The following LDLRAD4 variants were observed in gnomAD, a reference collection of about 807,000 sequenced individuals.
LDLRAD4 encodes low-density lipoprotein receptor class A domain-containing protein 4.
In LDLRAD4, 5 loss-of-function variants were observed where a neutral mutation model predicts 17.0. That is an observed-to-expected ratio of 0.29 (90% CI 0.15 to 0.62). The LOEUF is 0.62. LDLRAD4 is among the 20% of genes least tolerant of loss of function. LDLRAD4 has a pLI of 0.84. For missense variants in LDLRAD4, 340 were observed against 424.7 expected (o/e 0.80, Z 1.75); for synonymous variants, 168 against 171.8 (o/e 0.98, Z 0.17).
chr18:13,642,764 A>C, intron 4 of LDLRAD4: 2 of 1,229,666 alleles, frequency 1.6e-6, no homozygotes, highest in Non-Finnish European at 2.0e-6. Flanking sequence ...ACAGGTGTAG[A>C]GAGTGAGCCA....
At chr18:13,265,344 C>T (rs1257361957) in intron 1 of LDLRAD4, among the ~76,000 whole-genome samples, 1 of 152,186 alleles carries the variant, frequency 6.6e-6, no homozygotes, top group Non-Finnish European at 1.5e-5. Flanking sequence ...CCAAACTTAC[C>T]TGTGTGGCCT....
At chr18:13,306,278 A>T (rs1265760302) in intron 1 of LDLRAD4, among the ~76,000 whole-genome samples, 1 of 152,252 alleles carries the variant, frequency 6.6e-6, no homozygotes, top group Non-Finnish European at 1.5e-5. Context: ...GAAAAAGGTG[A>T]ACACCAGCTG....
chr18:13,556,855 T>C (rs1027096694), intron 3 of LDLRAD4, among the ~76,000 whole-genome samples: 1 of 152,188 alleles, frequency 6.6e-6, no homozygotes, highest in Non-Finnish European at 1.5e-5. Flanking sequence ...GTTTCCTCAC[T>C]GTCAAGTTGC....
intron 2 of LDLRAD4, among the ~76,000 whole-genome samples, chr18:13,432,643 C>T (rs964433579): frequency 1.3e-5 from 2 of 152,138 alleles, no homozygotes; most frequent in Non-Finnish European, 2.9e-5. Flanking sequence ...CAGTTTTCCT[C>T]TCCTCTTTCC....
chr18:13,466,870 C>A (rs1237019452), intron 3 of LDLRAD4, among the ~76,000 whole-genome samples: 2 of 151,992 alleles, frequency 1.3e-5, no homozygotes. Flanking sequence ...TCTCTGGGAT[C>A]TCTTTTATAA....
At chr18:13,556,590 A>ACAAGG (rs1452353640) in intron 3 of LDLRAD4, among the ~76,000 whole-genome samples, 1 of 152,208 alleles carries the variant, frequency 6.6e-6, no homozygotes, top group East Asian at 1.9e-4. Context: ...GCCTTAGAGA[A>ACAAGG]CAAGGAAAGC....
chr18:13,632,171 G>A (rs1410528464), intron 4 of LDLRAD4, among the ~76,000 whole-genome samples: 3 of 152,264 alleles, frequency 2.0e-5, no homozygotes, highest in Admixed American at 2.0e-4. Context: ...GATCCTTAGG[G>A]TGTCACTTCG....
intron 1 of LDLRAD4, among the ~76,000 whole-genome samples, chr18:13,346,888 T>G (rs2082724537): frequency 6.6e-6 from 1 of 152,246 alleles, no homozygotes; most frequent in Admixed American, 6.5e-5. Context: ...TATCAGAGAC[T>G]AGGATTGCAA....
chr18:13,636,907 C>G (rs2042132875), intron 4 of LDLRAD4, among the ~76,000 whole-genome samples: 1 of 151,958 alleles, frequency 6.6e-6, no homozygotes, highest in South Asian at 2.1e-4. Context: ...AAGTGATTCT[C>G]CTGCCTCAGC....
chr18:13,376,381 GC>G, intron 1 of LDLRAD4, among the ~76,000 whole-genome samples: 1 of 152,306 alleles, frequency 6.6e-6, no homozygotes, highest in Non-Finnish European at 1.5e-5. Context: ...ATCATGAAAG[GC>G]CTCTCAGAGC....
chr18:13,580,261 G>T (rs574752426), intron 3 of LDLRAD4, among the ~76,000 whole-genome samples: 1 of 152,356 alleles, frequency 6.6e-6, no homozygotes, highest in South Asian at 2.1e-4. Flanking sequence ...CTTCCCTGCT[G>T]CTCTGGAGAG....
At chr18:13,222,086 G>A (rs1476896263) in intron 1 of LDLRAD4, among the ~76,000 whole-genome samples, 1 of 152,132 alleles carries the variant, frequency 6.6e-6, no homozygotes, top group Non-Finnish European at 1.5e-5. Context: ...GACGGGGGTG[G>A]GGTCTGGATG....
chr18:13,595,182 A>T (rs781286360), intron 3 of LDLRAD4, among the ~76,000 whole-genome samples: 8 of 151,812 alleles, frequency 5.3e-5, no homozygotes, highest in Non-Finnish European at 1.2e-4. Context: ...CAAGAACCAA[A>T]TTATGTTGAT....
chr18:13,317,410 G>A (rs2080990490), intron 1 of LDLRAD4, among the ~76,000 whole-genome samples: 1 of 152,204 alleles, frequency 6.6e-6, no homozygotes, highest in South Asian at 2.1e-4. Context: ...TTTACTGAAA[G>A]AGTATTTCAT....
At chr18:13,274,478 G>A (rs1020286679), upstream of LDLRAD4, among the ~76,000 whole-genome samples, 1 of 152,216 alleles carries the variant, frequency 6.6e-6, no homozygotes, top group African/African-American at 2.4e-5. Flanking sequence ...TCTCTGCCTC[G>A]TGTCATGGAA....
At position 13,584,576 on chromosome 18, in the gene LDLRAD4, A is replaced by T. The variant is rs1322035220; in HGVS notation, c.182-36541A>T. On this transcript the variant is annotated intron_variant, in intron 3 of 5. Transcript: ENST00000359446. ...GGAAGACTTAGCCAATGGAGGAATC[A>T]TAGGATGGCTCGGTGGAGGGATGGC... Among the ~76,000 whole-genome samples, 5 of 152,216 alleles carry T rather than the reference A, an allele frequency of 3.3e-5. No homozygotes were observed. The South Asian group carries it at 1.0e-3, about 32-fold the overall frequency.
intron 3 of LDLRAD4, among the ~76,000 whole-genome samples, chr18:13,590,107 GTGAC>G (rs1415678736): frequency 6.7e-6 from 1 of 149,602 alleles, no homozygotes; most frequent in Non-Finnish European, 1.5e-5. Flanking sequence ...GTGCATGTGT[GTGAC>G]TGCATGTGCG....
chr18:13,603,973 TA>T (rs2095194132), intron 3 of LDLRAD4, among the ~76,000 whole-genome samples: 1 of 152,236 alleles, frequency 6.6e-6, no homozygotes, highest in Admixed American at 6.5e-5. Flanking sequence ...TGGAATTTTC[TA>T]AAACACTCGA....
intron 2 of LDLRAD4, among the ~76,000 whole-genome samples, chr18:13,399,494 A>T (rs11080649): frequency 0.44 from 67,139 of 152,194 alleles, 16,913 homozygotes; most frequent in Non-Finnish European, 0.56. Context: ...CATGCAATAA[A>T]TAGTTATTGT....
Sources: gnomAD v4.1 joint callset for allele counts (sites outside exome capture counted in the v4.1 genomes callset) on GRCh38, gnomAD v4.1.1 for gene constraint, MANE v1.5 for transcripts, NCBI Gene and HGNC (gene_info 2026-07-23, HGNC 2026-07-21) for gene names.